Variants in UGGT2 observed in about 807,000 individuals in gnomAD.
UGGT2 encodes the protein UDP-glucose glycoprotein glucosyltransferase 2.
A neutral mutation model predicts 192.1 loss-of-function variants in UGGT2; 180 were observed. The ratio of observed to expected loss-of-function variants is 0.94; its 90% CI spans 0.83 to 1.06. The LOEUF is 1.06. Among genes scored for constraint, UGGT2 ranks in the 50% least tolerant of loss-of-function variants. The pLI is 0.00. For missense variants in UGGT2, 1,849 were observed against 1,795.7 expected (o/e 1.03, Z -0.54); for synonymous variants, 580 against 591.0 (o/e 0.98, Z 0.27).
chr13:95,856,637 C>T (rs1215813178), intron 33 of UGGT2: 6 of 431,580 alleles, frequency 1.4e-5, no homozygotes, highest in South Asian at 7.3e-5. Flanking sequence ...TTATTGTTAA[C>T]ATCTGACTTG....
At chr13:95,989,122 G>T (rs2051380564) in intron 8 of UGGT2, among the ~76,000 whole-genome samples, 1 of 152,008 alleles carries the variant, frequency 6.6e-6, no homozygotes, top group Non-Finnish European at 1.5e-5. Flanking sequence ...AAAATCAACT[G>T]TGTTAAGAGT....
chr13:95,801,714 G>T lies in UGGT2; in HGVS notation c.*76C>A. 6.6e-7 allele frequency: 1 copy of T among 1,507,058 alleles called. No homozygotes were observed. The highest frequency in any genetic ancestry group is 9.1e-7 in the Non-Finnish European group (1 of 1,098,718). 93.4% of individuals were successfully genotyped at this position (1,507,058 alleles called of 1,614,324 possible). On this transcript the variant is annotated 3_prime_UTR_variant, in exon 39 of 39. Coordinates refer to ENST00000376747, the MANE Select transcript of UGGT2 (RefSeq NM_020121.4). ...TTAACGAGACTTCCAAATCGTCTCA[G>T]CAGGGGCTCCAGACTTCCCCAGCAG... is the stretch of plus-strand genomic sequence containing the variant.
intron 38 of UGGT2, among the ~76,000 whole-genome samples, chr13:95,813,436 T>C (rs1884673040): frequency 2.0e-5 from 3 of 152,164 alleles, no homozygotes; most frequent in Admixed American, 2.0e-4. Context: ...AGCGATGATT[T>C]AGGGTATCTG....
chr13:95,972,750 TAA>T lies in UGGT2; in HGVS notation c.1093-81_1093-80del, dbSNP rs753512213. On this transcript the variant is annotated intron_variant, in intron 10 of 38. Coordinates refer to ENST00000376747, the MANE Select transcript of UGGT2 (RefSeq NM_020121.4). The stretch of plus-strand genomic sequence containing the variant: ...ATTAGGGGTCACCATATTATTTCTA[TAA>T]AGAGTCAGAGAGTAAATATTTTAGG... 63 of 1,076,826 alleles carry T rather than the reference TAA, an allele frequency of 5.9e-5. No individual in the cohort carries two copies. In the Middle Eastern group the frequency reaches 1.3e-3, roughly 22 times the overall value. 66.7% of individuals were successfully genotyped at this position (1,076,826 alleles called of 1,614,324 possible).
chr13:95,931,753 G>A (rs937997565), intron 17 of UGGT2, among the ~76,000 whole-genome samples: 7 of 151,946 alleles, frequency 4.6e-5, no homozygotes, highest in African/African-American at 1.2e-4. Flanking sequence ...CTGAGCCCAC[G>A]CCCACCCGGA....
rs1491547191 is a variant in UGGT2, at chr13:95,948,252, CAT to C, written c.1456-173_1456-172del. Among the ~76,000 whole-genome samples the C allele has an allele frequency of 4.1e-3, 610 of 148,294 alleles. 6 individuals are homozygous for C. Among genetic ancestry groups the C allele is most frequent in the African/African-American group, 0.01 (417 of 40,186 alleles). On this transcript the variant is annotated intron_variant, in intron 13 of 38. Transcript: ENST00000376747. ...ACACACACACACACACACACACACA[CAT>C]ATAAAGGATTTCACAATTTATGAAG...
chr13:95,841,575 T>G (rs1352803156), intron 36 of UGGT2, among the ~76,000 whole-genome samples: 1 of 152,212 alleles, frequency 6.6e-6, no homozygotes, highest in African/African-American at 2.4e-5. Flanking sequence ...CTACAGGAGT[T>G]CTTTATATGT....
intron 24 of UGGT2, among the ~76,000 whole-genome samples, chr13:95,893,036 T>C (rs1439445899): frequency 3.9e-5 from 6 of 152,158 alleles, no homozygotes; most frequent in Non-Finnish European, 8.8e-5. Flanking sequence ...TGGAAGGGAA[T>C]AGGCTAATAT....
In UGGT2 at chr13:95,884,392, A is replaced by G. The variant is rs1292942816; in HGVS notation, c.3228+99T>C. The G allele has an allele frequency of 6.5e-6, 6 of 929,518 alleles. No individual in the cohort carries two copies. In the African/African-American group the frequency reaches 8.5e-5, roughly 13 times the overall value. 57.6% of individuals were successfully genotyped at this position (929,518 alleles called of 1,614,324 possible). A position where few individuals can be genotyped will look rare whatever the true frequency, so the allele number is the denominator to read the frequency against. On this transcript the variant is annotated intron_variant, in intron 27 of 38. Coordinates refer to ENST00000376747, the MANE Select transcript of UGGT2 (RefSeq NM_020121.4). The stretch of plus-strand genomic sequence containing the variant: ...GAATCATAAAAAAGAATATTCTGGT[A>G]AACATTCATAGTATGATTGCTCACT...
At chr13:95,847,053 TTTC>T (rs1438899876) in intron 36 of UGGT2, among the ~76,000 whole-genome samples, 1 of 71,932 alleles carries the variant, frequency 1.4e-5, no homozygotes, top group Admixed American at 1.5e-4. Flanking sequence ...TTTCTTTTCT[TTTC>T]TTTTCTTTTT....
chr13:95,988,098 CT>C (rs1219893120), intron 8 of UGGT2, among the ~76,000 whole-genome samples: 1 of 152,070 alleles, frequency 6.6e-6, no homozygotes, highest in East Asian at 1.9e-4. Context: ...TTGGTAACCA[CT>C]CTCTCCTCTT....
intron 36 of UGGT2, among the ~76,000 whole-genome samples, chr13:95,852,005 T>A (rs913210974): frequency 1.3e-5 from 2 of 152,198 alleles, no homozygotes; most frequent in African/African-American, 4.8e-5. Flanking sequence ...AGTTTTCTAC[T>A]AACTGGCAAT....
rs1405148649 is a variant in UGGT2, at chr13:95,863,538, C to T, written c.3644+91G>A. On this transcript the variant is annotated intron_variant, in intron 31 of 38. Coordinates refer to ENST00000376747, the MANE Select transcript of UGGT2 (RefSeq NM_020121.4). ...TCCCTCCTAGATTAGAGGACCTTTG[C>T]CTTACTTAAATTTTCACTACCTGTG... 4.1e-6 allele frequency: 4 copies of T among 978,606 alleles called. No individual in the cohort carries two copies. The Admixed American group carries it at 5.4e-5, about 13-fold the overall frequency. The allele number at this position is 978,606 out of a possible 1,614,324, so 60.6% of individuals were successfully genotyped here. A position where few individuals can be genotyped will look rare whatever the true frequency, so the allele number is the denominator to read the frequency against.
At chr13:95,813,929 T>C (rs1594056161) in intron 38 of UGGT2, among the ~76,000 whole-genome samples, 1 of 152,110 alleles carries the variant, frequency 6.6e-6, no homozygotes. Context: ...CTTCAGAGGG[T>C]GCAAGCCATT....
At chr13:96,025,421 G>A (rs1467450363) in intron 2 of UGGT2, among the ~76,000 whole-genome samples, 2 of 152,152 alleles carry the variant, frequency 1.3e-5, no homozygotes, top group East Asian at 3.8e-4. Flanking sequence ...TATAGGCCAA[G>A]GGAAATAAGT....
chr13:95,900,501 T>C (rs2048073930), intron 22 of UGGT2, among the ~76,000 whole-genome samples: 1 of 152,132 alleles, frequency 6.6e-6, no homozygotes, highest in Non-Finnish European at 1.5e-5. Flanking sequence ...CTAATGACAA[T>C]GTTTTGAAGA....
chr13:96,036,785 C>T (rs999154577), intron 1 of UGGT2, among the ~76,000 whole-genome samples: 1 of 152,132 alleles, frequency 6.6e-6, no homozygotes, highest in Non-Finnish European at 1.5e-5. Context: ...TTTAAGACAG[C>T]ATCTCCCTTT....
chr13:95,985,196 A>G, intron 9 of UGGT2: 1 of 937,792 alleles, frequency 1.1e-6, no homozygotes, highest in Middle Eastern at 2.7e-4. Flanking sequence ...AACGGCCATT[A>G]ATTAAAATAT....
chr13:96,030,598 T>C (rs150319362), intron 2 of UGGT2, among the ~76,000 whole-genome samples: 9 of 152,336 alleles, frequency 5.9e-5, no homozygotes, highest in African/African-American at 2.2e-4. Flanking sequence ...AATGAGCATT[T>C]AAAACATCTG....
Sources: gnomAD v4.1 joint callset for allele counts (sites outside exome capture counted in the v4.1 genomes callset) on GRCh38, gnomAD v4.1.1 for gene constraint, MANE v1.5 for transcripts, NCBI Gene and HGNC (gene_info 2026-07-23, HGNC 2026-07-21) for gene names.